The following BPIFA2 variants were observed in gnomAD, a reference collection of about 807,000 sequenced individuals.
The protein encoded by BPIFA2 is BPI fold-containing family A member 2.
BPIFA2 carries 20 observed loss-of-function variants against 25.7 expected under a neutral mutation model. The ratio of observed to expected loss-of-function variants is 0.78; its 90% CI spans 0.55 to 1.13. The LOEUF is 1.13. Among genes scored for constraint, BPIFA2 ranks in the 50% most tolerant of loss-of-function variants. The pLI is 0.00. For missense variants in BPIFA2, 300 were observed against 298.1 expected (o/e 1.01, Z -0.05); for synonymous variants, 126 against 124.3 (o/e 1.01, Z -0.09).
chr20:33,163,115 A>T (rs1172059474), intron 1 of BPIFA2, among the ~76,000 whole-genome samples: 1 of 152,194 alleles, frequency 6.6e-6, no homozygotes, highest in Admixed American at 6.5e-5. Context: ...CCCACACAGG[A>T]CAGGACCCAG....
chr20:33,180,314 G>A (rs1487719049), intron 7 of BPIFA2, among the ~76,000 whole-genome samples: 1 of 152,120 alleles, frequency 6.6e-6, no homozygotes, highest in Non-Finnish European at 1.5e-5. Context: ...CTATCTCACT[G>A]GATCCTTGCA....
chr20:33,173,197 G>C lies in BPIFA2; in HGVS notation c.302+121G>C. On this transcript the variant is annotated intron_variant, in intron 3 of 8. Transcript: ENST00000354932. ...CCTCATTCCCCTCCCACAGAGCCAA[G>C]GTGGTCTGAGCAAGGCCAGACCCAC... 4 of 1,273,734 alleles carry C rather than the reference G, an allele frequency of 3.1e-6. No homozygotes were observed. The South Asian group carries it at 5.8e-5, about 19-fold the overall frequency. 78.9% of individuals were successfully genotyped at this position (1,273,734 alleles called of 1,614,324 possible).
At chr20:33,169,808 T>C (rs1983841124) in intron 2 of BPIFA2, among the ~76,000 whole-genome samples, 1 of 152,232 alleles carries the variant, frequency 6.6e-6, no homozygotes, top group South Asian at 2.1e-4. Context: ...TTAGCATATT[T>C]TTCTTTTGGG....
At chr20:33,169,363 C>T in intron 2 of BPIFA2, 61 bp downstream of exon 2, 1 of 1,549,274 alleles carries the variant, frequency 6.5e-7, no homozygotes, top group Non-Finnish European at 8.9e-7. Flanking sequence ...ACTATGCCTG[C>T]ATTACCAGAG....
chr20:33,165,674 C>T (rs943956234), upstream of BPIFA2, among the ~76,000 whole-genome samples: 6 of 152,202 alleles, frequency 3.9e-5, no homozygotes, highest in African/African-American at 1.2e-4. Flanking sequence ...TTAGCAGTCA[C>T]GCAGCAGGTA....
At chr20:33,171,181 T>A (rs1157775392) in intron 2 of BPIFA2, among the ~76,000 whole-genome samples, 2 of 152,252 alleles carry the variant, frequency 1.3e-5, no homozygotes, top group Non-Finnish European at 2.9e-5. Flanking sequence ...TCTCCAGCTT[T>A]GTTCTTTTTG....
At chr20:33,167,489 G>A (rs1424530103), upstream of BPIFA2, among the ~76,000 whole-genome samples, 1 of 152,198 alleles carries the variant, frequency 6.6e-6, no homozygotes, top group Non-Finnish European at 1.5e-5. Flanking sequence ...GTATGGACAA[G>A]CCACCTCCCT....
At chr20:33,169,818 GTTGT>G (rs1210615613) in intron 2 of BPIFA2, among the ~76,000 whole-genome samples, 1 of 152,024 alleles carries the variant, frequency 6.6e-6, no homozygotes, top group Non-Finnish European at 1.5e-5. Flanking sequence ...TTTCTTTTGG[GTTGT>G]TTAATATTCT....
chr20:33,169,450 C>G (rs1983831218), intron 2 of BPIFA2, 148 bp downstream of exon 2: 1 of 717,268 alleles, frequency 1.4e-6, no homozygotes, highest in Non-Finnish European at 2.3e-6. Context: ...ATTCGTTTAT[C>G]TTTCTAGAAA....
intron 3 of BPIFA2, 43 bp from the exon 4 acceptor site, chr20:33,174,036 C>A: frequency 6.5e-7 from 1 of 1,536,832 alleles, no homozygotes; most frequent in Non-Finnish European, 9.0e-7. Context: ...TGGCAAGTGG[C>A]TGTCATGAGG....
chr20:33,167,826 A>G (rs1983770599), upstream of BPIFA2, among the ~76,000 whole-genome samples: 1 of 152,158 alleles, frequency 6.6e-6, no homozygotes, highest in Non-Finnish European at 1.5e-5. Flanking sequence ...GATGGTCATT[A>G]TGGGTCCTCC....
chr20:33,162,124 GCACCTGC>G (rs1442613272), intron 1 of BPIFA2, among the ~76,000 whole-genome samples: 1 of 152,096 alleles, frequency 6.6e-6, no homozygotes, highest in East Asian at 1.9e-4. Context: ...GGGACTACAG[GCACCTGC>G]CACCACACCC....
chr20:33,174,989 G>A (rs564804531), intron 4 of BPIFA2, among the ~76,000 whole-genome samples: 2 of 152,294 alleles, frequency 1.3e-5, no homozygotes, highest in Admixed American at 1.3e-4. Flanking sequence ...TAAACTACAT[G>A]CACTAATGAT....
chr20:33,170,181 C>T lies in BPIFA2; in HGVS notation c.157+879C>T, dbSNP rs140915494. Among the ~76,000 whole-genome samples the T allele has an allele frequency of 1.3e-3, 194 of 152,236 alleles. 5 individuals carry two copies. In the East Asian group the frequency reaches 0.033, roughly 26 times the overall value. On this transcript the variant is annotated intron_variant, in intron 2 of 8. Transcript: ENST00000354932. ...TCACCTCGTGAATTATACGATTAGACGTAGTTATATCACCAATTTTATTTA... is the reference window on the plus strand; with the variant it reads ...TCACCTCGTGAATTATACGATTAGATGTAGTTATATCACCAATTTTATTTA...
At chr20:33,169,378 C>A in intron 2 of BPIFA2, 76 bp downstream of exon 2, 1 of 1,443,824 alleles carries the variant, frequency 6.9e-7, no homozygotes, top group Non-Finnish European at 9.6e-7. Context: ...CCAGAGGCTG[C>A]CACCAGGGGC....
chr20:33,180,561 AGAG>A lies in BPIFA2; in HGVS notation c.*4_*6del. 1 of 1,612,594 alleles carries A rather than the reference AGAG, an allele frequency of 6.2e-7. No individual in the cohort carries two copies. Among genetic ancestry groups the A allele is most frequent in the Non-Finnish European group, 8.5e-7 (1 of 1,178,584 alleles). ...AACCCAGCTGCAAACCCTCATCTGA[AGAG>A]GACGAATGAGGAGGACCACTGTGGT... On this transcript the variant is annotated 3_prime_UTR_variant, in exon 8 of 9. Transcript: ENST00000354932.
chr20:33,166,494 T>C (rs987784998), upstream of BPIFA2, among the ~76,000 whole-genome samples: 1 of 152,176 alleles, frequency 6.6e-6, no homozygotes, highest in African/African-American at 2.4e-5. Flanking sequence ...TTCATGGGTA[T>C]TACACTAATT....
chr20:33,171,862 A>G (rs1435388572), intron 2 of BPIFA2, among the ~76,000 whole-genome samples: 1 of 152,192 alleles, frequency 6.6e-6, no homozygotes, highest in African/African-American at 2.4e-5. Flanking sequence ...CAGAAATACC[A>G]TTTGACCCAG....
rs149586246 is a variant in BPIFA2, at chr20:33,177,790, G to C, written c.564-357G>C. Among the ~76,000 whole-genome samples the C allele has an allele frequency of 3.3e-3, 503 of 152,300 alleles. 1 individual carries two copies. The highest frequency in any genetic ancestry group is 5.5e-3 in the Non-Finnish European group (374 of 68,034). On this transcript the variant is annotated intron_variant, in intron 5 of 8. Coordinates refer to ENST00000354932, the MANE Select transcript of BPIFA2 (RefSeq NM_080574.4). ...TTAGGTACCACATCAGGGTATGTTT[G>C]GACCCTTAATGTTTAGGTACCAGGT...
Sources: gnomAD v4.1 joint callset for allele counts (sites outside exome capture counted in the v4.1 genomes callset) on GRCh38, gnomAD v4.1.1 for gene constraint, MANE v1.5 for transcripts, NCBI Gene and HGNC (gene_info 2026-07-23, HGNC 2026-07-21) for gene names.